PLS1: variants seen among roughly 807,000 people sequenced by gnomAD.
PLS1 encodes the protein plastin 1.
In PLS1, 32 loss-of-function variants were observed where a neutral mutation model predicts 73.7. The ratio of observed to expected loss-of-function variants is 0.43; its 90% CI spans 0.33 to 0.58. PLS1 has a LOEUF of 0.58. Ranked by LOEUF, PLS1 falls within the 20% of genes least tolerant of loss-of-function variation. The pLI is 0.04. For synonymous variants in PLS1, 217 were observed against 261.3 expected, an observed-to-expected ratio of 0.83 and a Z score of 1.63; for missense variants, 633 against 740.5, an observed-to-expected ratio of 0.85 and a Z score of 1.68.
In PLS1 at chr3:142,664,258, C is replaced by A; in HGVS notation, c.21C>A (p.Thr7=). The change falls in exon 2 of 16, where the codon ACC becomes ACA. Residue 7 remains threonine, a synonymous_variant. Coordinates refer to ENST00000457734, the MANE Select transcript of PLS1 (RefSeq NM_001145319.2). Reference sequence around the variant, plus strand: ...CAAAGATGGAAAACAGTACTACTACCATTTCTCGGGAGGAGCTTGAAGAAC... The same window carrying A: ...CAAAGATGGAAAACAGTACTACTACAATTTCTCGGGAGGAGCTTGAAGAAC... MENSTT[T]ISREELEELQ... The A allele has an allele frequency of 6.3e-7, 1 of 1,590,008 alleles. No homozygotes were observed. The highest frequency in any genetic ancestry group is 1.1e-5 in the South Asian group (1 of 89,980).
At chr3:142,601,669 G>A (rs935476344) in intron 1 of PLS1, among the ~76,000 whole-genome samples, 3 of 151,888 alleles carry the variant, frequency 2.0e-5, no homozygotes, top group Admixed American at 1.3e-4. Flanking sequence ...GTGGACCAAC[G>A]TGCCCGGCTT....
chr3:142,602,989 A>G (rs924851468), intron 1 of PLS1, among the ~76,000 whole-genome samples: 1 of 152,178 alleles, frequency 6.6e-6, no homozygotes, highest in African/African-American at 2.4e-5. Context: ...CATTCTCTCA[A>G]CATTCAAAAG....
intron 6 of PLS1, 124 bp from the exon 7 acceptor site, chr3:142,683,882 C>G: frequency 1.6e-6 from 1 of 611,360 alleles, no homozygotes; most frequent in Non-Finnish European, 2.7e-6. Context: ...GTGGTATTTT[C>G]GTTGTATAAA....
In PLS1 at chr3:142,678,108, A is replaced by G. The variant is rs747885048; in HGVS notation, c.574A>G (p.Ile192Val). Residue 192 changes from isoleucine (I) to valine (V), a missense_variant, in exon 6 of 16, where the codon ATT (isoleucine) becomes GTT (valine). Transcript: ENST00000457734. ...INKKKLTPFT[I>V]SENLNLALNS... ...TAAGAAAAAGCTCACGCCATTCACT[A>G]TTTCTGTAAGTATTTGCCCTTTGCT... The G allele has an allele frequency of 3.3e-6, 5 of 1,497,044 alleles. No homozygotes were observed. Among genetic ancestry groups the G allele is most frequent in the Admixed American group, 1.9e-5 (1 of 51,346 alleles). 92.7% of individuals were successfully genotyped at this position (1,497,044 alleles called of 1,614,324 possible). A position where few individuals can be genotyped will look rare whatever the true frequency, so the allele number is the denominator to read the frequency against.
chr3:142,689,146 C>A (rs1483756562), intron 9 of PLS1, among the ~76,000 whole-genome samples: 1 of 152,036 alleles, frequency 6.6e-6, no homozygotes, highest in Non-Finnish European at 1.5e-5. Flanking sequence ...ACTTAAAAGG[C>A]ACGGGGGCTG....
chr3:142,711,553 C>CACCAAAT lies in PLS1; in HGVS notation c.1683_1689dup (p.Ala564ThrfsTer16). The stretch of plus-strand genomic sequence containing the variant: ...GTCCTAGATTTAATAGATGCCATTG[C>CACCAAAT]ACCAAATGCAGTTCGTCAAGAAATG... On this transcript the variant is annotated frameshift_variant, in exon 15 of 16. Transcript: ENST00000457734. LOFTEE classifies it high-confidence loss of function. The CACCAAAT allele has an allele frequency of 6.2e-7, 1 of 1,602,400 alleles. No homozygotes were observed. Among genetic ancestry groups the CACCAAAT allele is most frequent in the East Asian group, 2.2e-5 (1 of 44,732 alleles).
chr3:142,620,768 C>G (rs1457424552), intron 1 of PLS1, among the ~76,000 whole-genome samples: 1 of 152,180 alleles, frequency 6.6e-6, no homozygotes, highest in Non-Finnish European at 1.5e-5. Flanking sequence ...CCTGTAATCA[C>G]AGCACTTTGG....
intron 8 of PLS1, among the ~76,000 whole-genome samples, chr3:142,685,279 G>A (rs2037940597): frequency 6.6e-6 from 1 of 152,206 alleles, no homozygotes; most frequent in Non-Finnish European, 1.5e-5. Flanking sequence ...GGGGCATTAT[G>A]CCCAGGCGAT....
intron 1 of PLS1, among the ~76,000 whole-genome samples, chr3:142,657,494 T>C (rs1047311281): frequency 1.3e-5 from 2 of 152,228 alleles, no homozygotes; most frequent in Admixed American, 6.5e-5. Flanking sequence ...TTTTGTTTTG[T>C]TTTGTTTGTT....
chr3:142,659,058 A>G lies in PLS1; in HGVS notation c.-36-5144A>G, dbSNP rs565025195. The stretch of plus-strand genomic sequence containing the variant: ...AAGGGATGATGCTTGTACCATCAGT[A>G]GAGCAGATAAATGCGTAGTGAGCTC... On this transcript the variant is annotated intron_variant, in intron 1 of 15. Transcript: ENST00000457734. Among the ~76,000 whole-genome samples, 4 of 152,364 alleles carry G rather than the reference A, an allele frequency of 2.6e-5. No individual in the cohort carries two copies. In the South Asian group the frequency reaches 8.3e-4, roughly 32 times the overall value.
At chr3:142,673,986 T>C (rs2037666342) in intron 4 of PLS1, 1 of 152,248 alleles carries the variant, frequency 6.6e-6, no homozygotes, top group South Asian at 2.1e-4. Flanking sequence ...CTGGTTCCTA[T>C]ACCTGAAACA....
At chr3:142,650,941 A>G (rs1488256964) in intron 1 of PLS1, among the ~76,000 whole-genome samples, 5 of 152,122 alleles carry the variant, frequency 3.3e-5, no homozygotes, top group Non-Finnish European at 5.9e-5. Context: ...GAGCTGGGAA[A>G]GTCTCTGTGG....
At chr3:142,650,351 T>G (rs1271424674) in intron 1 of PLS1, among the ~76,000 whole-genome samples, 5 of 151,696 alleles carry the variant, frequency 3.3e-5, no homozygotes. Flanking sequence ...CCTGAGTTGC[T>G]GGGACTACAG....
intron 1 of PLS1, among the ~76,000 whole-genome samples, chr3:142,643,646 A>G (rs572885911): frequency 6.6e-6 from 1 of 152,298 alleles, no homozygotes; most frequent in South Asian, 2.1e-4. Flanking sequence ...AGAGGGATCT[A>G]CATAACAACT....
intron 1 of PLS1, among the ~76,000 whole-genome samples, chr3:142,624,065 T>C (rs1405039534): frequency 6.6e-6 from 1 of 152,180 alleles, no homozygotes; most frequent in Non-Finnish European, 1.5e-5. Context: ...TCTGCTTTTT[T>C]TCTAGAGAAA....
intron 11 of PLS1, 73 bp downstream of exon 11, chr3:142,694,620 A>G (rs1577902208): frequency 7.4e-6 from 6 of 810,782 alleles, no homozygotes; most frequent in Non-Finnish European, 1.2e-5. Context: ...AGGCATGTTT[A>G]AATGGAACAT....
intron 1 of PLS1, among the ~76,000 whole-genome samples, chr3:142,634,307 A>G (rs1272953833): frequency 6.6e-6 from 1 of 152,218 alleles, no homozygotes; most frequent in African/African-American, 2.4e-5. Context: ...CTATAAACCC[A>G]AAGATCCAAG....
chr3:142,637,096 A>C (rs1432668052), intron 1 of PLS1, among the ~76,000 whole-genome samples: 1 of 152,216 alleles, frequency 6.6e-6, no homozygotes, highest in Non-Finnish European at 1.5e-5. Flanking sequence ...GTTTGTCCAC[A>C]CACAGACTTG....
At chr3:142,683,579 T>C (rs1417991488) in intron 6 of PLS1, among the ~76,000 whole-genome samples, 2 of 152,230 alleles carry the variant, frequency 1.3e-5, no homozygotes, top group African/African-American at 2.4e-5. Context: ...CTGTGGAAAC[T>C]GTCAGTGCTG....
Sources: allele counts gnomAD v4.1 joint callset (sites outside exome capture counted in the v4.1 genomes callset), GRCh38; gene constraint gnomAD v4.1.1; transcripts MANE v1.5; gene names NCBI Gene and HGNC (gene_info 2026-07-23, HGNC 2026-07-21).